Variants in ICE2 observed in about 807,000 individuals in gnomAD.
ICE2 encodes the protein interactor of little elongation complex ELL subunit 2, also known as little elongation complex subunit 2.
ICE2 carries 87 observed loss-of-function variants against 105.4 expected under a neutral mutation model. That is an observed-to-expected ratio of 0.83 (90% CI 0.69 to 0.99). ICE2 has a LOEUF of 0.99. Among genes scored for constraint, ICE2 ranks in the 50% least tolerant of loss-of-function variants. The pLI is 0.00. For missense variants in ICE2, 1,323 were observed against 1,146.7 expected, an observed-to-expected ratio of 1.15 and a Z score of -2.22; for synonymous variants, 399 against 392.0, an observed-to-expected ratio of 1.02 and a Z score of -0.21.
At chr15:60,478,755 G>A (rs2064844617) in intron 1 of ICE2, 2 of 350,352 alleles carry the variant, frequency 5.7e-6, no homozygotes, top group African/African-American at 2.3e-5. Flanking sequence ...TGTGGAGCTG[G>A]GGGGGAATAG....
intron 11 of ICE2, among the ~76,000 whole-genome samples, chr15:60,446,103 A>G (rs1236758234): frequency 6.6e-6 from 1 of 152,248 alleles, no homozygotes; most frequent in Non-Finnish European, 1.5e-5. Context: ...TTTCTCTTGT[A>G]AAGAGCACTA....
intron 1 of ICE2, 61 bp from the exon 2 acceptor site, chr15:60,478,130 G>C: frequency 1.5e-6 from 1 of 681,514 alleles, no homozygotes; most frequent in Non-Finnish European, 2.6e-6. Flanking sequence ...GGTGCTATTA[G>C]GTGAGGAAGA....
intron 9 of ICE2, chr15:60,452,049 AAAG>A (rs1761828529): frequency 1.0e-6 from 1 of 981,248 alleles, no homozygotes; most frequent in South Asian, 4.7e-5. Context: ...ACCATTACTG[AAAG>A]AAGCCACTGT....
At chr15:60,436,620 C>A (rs1271564849) in intron 12 of ICE2, among the ~76,000 whole-genome samples, 1 of 146,706 alleles carries the variant, frequency 6.8e-6, no homozygotes, top group East Asian at 2.0e-4. Flanking sequence ...AAGGCTGAGG[C>A]AGGAGAATGG....
chr15:60,420,217 G>C lies in ICE2; in HGVS notation c.*3417C>G, dbSNP rs934000720. On this transcript the variant is annotated 3_prime_UTR_variant, in exon 16 of 16. Coordinates refer to ENST00000261520, the MANE Select transcript of ICE2 (RefSeq NM_024611.6). ...TCTAACCACACTATTTTCTCAATGG[G>C]TTAACACCATCATTTACTCAGTATC... 1 of 151,304 alleles carries C rather than the reference G, an allele frequency of 6.6e-6. No individual in the cohort carries two copies. The highest frequency in any genetic ancestry group is 1.5e-5 in the Non-Finnish European group (1 of 67,932). 9.4% of individuals were successfully genotyped at this position (151,304 alleles called of 1,614,324 possible).
chr15:60,432,704 AAC>A (rs1566971027), intron 13 of ICE2, among the ~76,000 whole-genome samples: 1 of 151,900 alleles, frequency 6.6e-6, no homozygotes, highest in Non-Finnish European at 1.5e-5. Flanking sequence ...CATCCTGGCT[AAC>A]ACAGTGAAAC....
At chr15:60,431,266 T>A (rs934265015) in intron 14 of ICE2, among the ~76,000 whole-genome samples, 1 of 152,234 alleles carries the variant, frequency 6.6e-6, no homozygotes, top group Non-Finnish European at 1.5e-5. Context: ...GTCCTTATGC[T>A]AATCACCAGA....
At position 60,419,694 on chromosome 15, in the gene ICE2, TAA is replaced by T. The variant is rs935228969; in HGVS notation, c.*3938_*3939del. The T allele has an allele frequency of 6.6e-6, 1 of 150,972 alleles. No homozygotes were observed. Among genetic ancestry groups the T allele is most frequent in the African/African-American group, 2.5e-5 (1 of 40,804 alleles). The allele number at this position is 150,972 out of a possible 1,614,324, so 9.4% of individuals were successfully genotyped here. Reference sequence around the variant, plus strand: ...AATATCAAATACGTTAAGGTTTGATTAAAAACTACTACATACCAAACAAAAAA... The same window carrying T: ...AATATCAAATACGTTAAGGTTTGATTAAACTACTACATACCAAACAAAAAA... On this transcript the variant is annotated 3_prime_UTR_variant, in exon 16 of 16. Transcript: ENST00000261520.
chr15:60,453,762 T>A lies in ICE2; in HGVS notation c.966A>T (p.Ile322=), dbSNP rs764502244. 8.2e-6 allele frequency: 13 copies of A among 1,580,330 alleles called. No individual in the cohort carries two copies. In the East Asian group the frequency reaches 2.9e-4, roughly 35 times the overall value. The change falls in exon 9 of 16, where the codon ATA becomes ATT. Residue 322 remains isoleucine (I), a synonymous_variant. Coordinates refer to ENST00000261520, the MANE Select transcript of ICE2 (RefSeq NM_024611.6). ...PVAGSKPVKV[I]YINSPLPQKK... is the part of the protein sequence containing the mutation. ...TTTGGGGAAGTGGTGAATTAATATA[T>A]ATTACTTTAACTGGTTTTGAACCTT...
intron 5 of ICE2, 31 bp downstream of exon 5, chr15:60,466,563 C>A (rs1481805945): frequency 2.5e-6 from 4 of 1,606,336 alleles, no homozygotes; most frequent in Non-Finnish European, 3.4e-6. Flanking sequence ...TATCACTTCG[C>A]AATTTACACA....
chr15:60,479,012 C>T lies in ICE2; in HGVS notation c.-102G>A, dbSNP rs1163825062. 6.6e-6 allele frequency: 3 copies of T among 455,910 alleles called. No individual in the cohort carries two copies. Among genetic ancestry groups the T allele is most frequent in the African/African-American group, 6.0e-5 (3 of 50,080 alleles). The allele number at this position is 455,910 out of a possible 1,614,324, so 28.2% of individuals were successfully genotyped here. A position where few individuals can be genotyped will look rare whatever the true frequency, so the allele number is the denominator to read the frequency against. ...CAGCCTTTCCGCCCACCTCATGGTC[C>T]GCGGCGGCTCTTGCCCAGGCCGCAG... On this transcript the variant is annotated 5_prime_UTR_variant, in exon 1 of 16. Coordinates refer to ENST00000261520, the MANE Select transcript of ICE2 (RefSeq NM_024611.6).
chr15:60,472,925 T>C (rs2064645610), intron 3 of ICE2, among the ~76,000 whole-genome samples: 1 of 152,032 alleles, frequency 6.6e-6, no homozygotes, highest in African/African-American at 2.4e-5. Context: ...AATAAGTTGT[T>C]TTTTTGTTTT....
chr15:60,436,675 A>C (rs898737084), intron 12 of ICE2, among the ~76,000 whole-genome samples: 3 of 142,574 alleles, frequency 2.1e-5, no homozygotes, highest in African/African-American at 7.9e-5. Context: ...CTGAGACTGC[A>C]CCACTGTACT....
chr15:60,437,306 T>TA (rs954055939), intron 12 of ICE2, among the ~76,000 whole-genome samples: 17 of 148,530 alleles, frequency 1.1e-4, no homozygotes, highest in South Asian at 8.6e-4. Context: ...TTCCCAAAGT[T>TA]AAAAAAAAAA....
At position 60,453,583 on chromosome 15, in the gene ICE2, A is replaced by G. The variant is rs181931922; in HGVS notation, c.1125+20T>C. 311 of 1,566,860 alleles carry G rather than the reference A, an allele frequency of 2.0e-4. No homozygotes were observed. The highest frequency in any genetic ancestry group is 1.8e-3 in the African/African-American group (134 of 73,300). On this transcript the variant is annotated intron_variant, in intron 9 of 15. Transcript: ENST00000261520. ...TAAACAAGTACATTCCCCTTAGGGGAAAAAAAAAGCATTACATACGTCCAT... is the reference window on the plus strand; with the variant it reads ...TAAACAAGTACATTCCCCTTAGGGGGAAAAAAAAGCATTACATACGTCCAT...
At chr15:60,439,216 A>G (rs1315049554) in intron 12 of ICE2, 1 of 152,190 alleles carries the variant, frequency 6.6e-6, no homozygotes, top group Non-Finnish European at 1.5e-5. Context: ...TTCTCTATCA[A>G]TCATAAATGT....
intron 12 of ICE2, chr15:60,440,446 A>T (rs111542042): frequency 3.6e-4 from 55 of 152,354 alleles, no homozygotes; most frequent in African/African-American, 1.3e-3. Flanking sequence ...AAAAGATAAA[A>T]AGAGTACTGC....
chr15:60,459,756 G>T (rs755675097), intron 5 of ICE2, among the ~76,000 whole-genome samples: 8 of 152,132 alleles, frequency 5.3e-5, no homozygotes, highest in Non-Finnish European at 1.0e-4. Flanking sequence ...GAGGCTAGTT[G>T]ATATTGAATA....
chr15:60,435,471 T>A (rs1411052184), intron 13 of ICE2, among the ~76,000 whole-genome samples: 3 of 149,330 alleles, frequency 2.0e-5, no homozygotes, highest in Non-Finnish European at 3.0e-5. Flanking sequence ...TGGTGGCGCA[T>A]GCCTGTAATC....
Sources: allele counts gnomAD v4.1 joint callset (sites outside exome capture counted in the v4.1 genomes callset), GRCh38; gene constraint gnomAD v4.1.1; transcripts MANE v1.5; gene names NCBI Gene and HGNC (gene_info 2026-07-23, HGNC 2026-07-21).